The following IRAK2 variants were observed in gnomAD, a reference collection of about 807,000 sequenced individuals.
IRAK2 encodes the protein interleukin-1 receptor-associated kinase-like 2.
IRAK2 carries 57 observed loss-of-function variants against 72.0 expected under a neutral mutation model. The observed-to-expected ratio is 0.79, with a 90% confidence interval of 0.64 to 0.99. The LOEUF (loss-of-function observed/expected upper bound fraction) is 0.99, where lower values mean the gene tolerates loss of function less well. IRAK2 is among the 50% of genes least tolerant of loss of function. The pLI is 0.00. For missense variants in IRAK2, 790 were observed against 794.4 expected (o/e 0.99, Z 0.07); for synonymous variants, 293 against 312.7 (o/e 0.94, Z 0.67).
intron 6 of IRAK2, among the ~76,000 whole-genome samples, 173 bp from the exon 7 acceptor site, chr3:10,216,761 G>T (rs1697610654): frequency 6.6e-6 from 1 of 152,168 alleles, no homozygotes; most frequent in African/African-American, 2.4e-5. Context: ...GTTGAAGGCA[G>T]ACAGTTTTCA....
At chr3:10,167,418 C>CT (rs1168538999) in intron 1 of IRAK2, among the ~76,000 whole-genome samples, 2,758 of 144,104 alleles carry the variant, frequency 0.019, 48 homozygotes, top group African/African-American at 0.051. Context: ...TACTTAGTTT[C>CT]TTTTTTTTTT....
intron 2 of IRAK2, among the ~76,000 whole-genome samples, chr3:10,193,462 A>G (rs1697207567): frequency 6.6e-6 from 1 of 151,736 alleles, no homozygotes; most frequent in Non-Finnish European, 1.5e-5. Flanking sequence ...AAAAACAAAA[A>G]CAAAAACAAA....
chr3:10,236,451 A>G (rs1273843762), intron 11 of IRAK2, among the ~76,000 whole-genome samples: 1 of 150,356 alleles, frequency 6.7e-6, no homozygotes, highest in East Asian at 2.0e-4. Context: ...AGGTTCAAGC[A>G]ATTCTCCTGC....
At chr3:10,192,739 C>T (rs142679970) in intron 2 of IRAK2, among the ~76,000 whole-genome samples, 1 of 152,172 alleles carries the variant, frequency 6.6e-6, no homozygotes, top group Non-Finnish European at 1.5e-5. Flanking sequence ...GCCAATATGG[C>T]AAAACCCCGT....
chr3:10,237,315 C>G (rs528102036), intron 11 of IRAK2, among the ~76,000 whole-genome samples: 2 of 152,194 alleles, frequency 1.3e-5, no homozygotes, highest in African/African-American at 4.8e-5. Context: ...AGGAGATGGC[C>G]TTAGCTCTTA....
At chr3:10,207,011 G>A (rs1355626393) in intron 3 of IRAK2, among the ~76,000 whole-genome samples, 1 of 152,022 alleles carries the variant, frequency 6.6e-6, no homozygotes, top group Non-Finnish European at 1.5e-5. Context: ...TCGCCATCAT[G>A]CCAGGCTAAT....
Position 10,234,615 on chromosome 3 carries a change from G to T in IRAK2, c.1429G>T (p.Ala477Ser). 1 of 1,612,992 alleles carries T rather than the reference G, an allele frequency of 6.2e-7. No homozygotes were observed. The highest frequency in any genetic ancestry group is 1.7e-5 in the Admixed American group (1 of 60,024). Residue 477 changes from alanine (A) to serine (S), a missense_variant, in exon 11 of 13, where the codon GCT (alanine) becomes TCT (serine). Physicochemically the swap from Ala to Ser is moderately conservative, Grantham distance 99 (BLOSUM62 1). Transcript: ENST00000256458. ...PEDCAEALAT[A>S]ACLCLRRRNT... ...GGACTGCGCCGAGGCCCTGGCCACG[G>T]CTGCCTGCCTGTGCCTGCGGAGGCG...
chr3:10,220,299 T>C (rs779910), intron 8 of IRAK2, among the ~76,000 whole-genome samples: 57,293 of 152,076 alleles, frequency 0.38, 11,536 homozygotes, highest in Non-Finnish European at 0.45. Flanking sequence ...GAGGTCCCCA[T>C]CTGGAGACGG....
intron 2 of IRAK2, among the ~76,000 whole-genome samples, chr3:10,183,016 C>T (rs1169668): frequency 0.33 from 50,583 of 152,006 alleles, 9,099 homozygotes; most frequent in Non-Finnish European, 0.39. Context: ...AAGTGATCTG[C>T]CCACCTCGGC....
At chr3:10,208,277 G>T (rs1267768508) in intron 3 of IRAK2, among the ~76,000 whole-genome samples, 7 of 152,038 alleles carry the variant, frequency 4.6e-5, no homozygotes, top group Admixed American at 3.3e-4. Flanking sequence ...TTCCTGATTG[G>T]CATGAGGATT....
At chr3:10,206,954 A>G (rs145966525) in intron 3 of IRAK2, among the ~76,000 whole-genome samples, 2 of 151,368 alleles carry the variant, frequency 1.3e-5, no homozygotes, top group East Asian at 3.9e-4. Context: ...CCCTGGTTCA[A>G]GCAATTCTCC....
chr3:10,214,295 G>A (rs565549225), intron 6 of IRAK2, among the ~76,000 whole-genome samples: 87 of 151,446 alleles, frequency 5.7e-4, no homozygotes, highest in African/African-American at 1.9e-3. Context: ...TGGAATGATT[G>A]TAGATCACTG....
rs756460717 is a variant in IRAK2 at position 10,213,291 on chromosome 3, C to G, written c.613C>G (p.Gln205Glu). 1 of 1,614,112 alleles carries G rather than the reference C, an allele frequency of 6.2e-7. No individual in the cohort carries two copies. Among genetic ancestry groups the G allele is most frequent in the Non-Finnish European group, 8.5e-7 (1 of 1,180,030 alleles). The change falls in exon 5 of 13, where the codon CAG becomes GAG. Residue 205 changes from glutamine to glutamate, a missense_variant. Physicochemically the swap from Gln to Glu is conservative, Grantham distance 29. Transcript: ENST00000256458. ...TTTCTGGAGTGAGGCAGACGTGGTC[C>G]AGGCAACCGATGACTTCAATCAAAA... ...SLFWSEADVV[Q>E]ATDDFNQNRK...
At chr3:10,175,890 C>CAAAAAAAA (rs59718922) in intron 1 of IRAK2, among the ~76,000 whole-genome samples, 8 of 53,690 alleles carry the variant, frequency 1.5e-4, no homozygotes, top group Non-Finnish European at 2.1e-4. Flanking sequence ...GACTCCGTCT[C>CAAAAAAAA]AAAAAAAAAA....
chr3:10,169,459 CCA>C lies in IRAK2; in HGVS notation c.94+4412_94+4413del, dbSNP rs138922268. On this transcript the variant is annotated intron_variant, in intron 1 of 12. Coordinates refer to ENST00000256458, the MANE Select transcript of IRAK2 (RefSeq NM_001570.4). ...CCTACCCCGGGAATGCGTTCCTTCC[CCA>C]GGGTTATCAATTATTAATATTCCTT... Among the ~76,000 whole-genome samples the C allele has an allele frequency of 5.7e-3, 865 of 152,238 alleles. 15 individuals carry two copies. Among genetic ancestry groups the C allele is most frequent in the African/African-American group, 0.02 (829 of 41,538 alleles).
At position 10,183,943 on chromosome 3, in the gene IRAK2, C is replaced by T. The variant is rs535822400; in HGVS notation, c.277+5923C>T. ...CAGTGGCTGAGAAAAGACAGGCGTT[C>T]GTTTCCCTCTCCTGTGACTGCCAGG... On this transcript the variant is annotated intron_variant, in intron 2 of 12. Transcript: ENST00000256458. Among the ~76,000 whole-genome samples the T allele has an allele frequency of 1.0e-3, 152 of 152,274 alleles. 1 individual carries two copies. Among genetic ancestry groups the T allele is most frequent in the Non-Finnish European group, 6.8e-4 (46 of 68,018 alleles).
At chr3:10,240,992 T>C (rs1171825795) in intron 12 of IRAK2, among the ~76,000 whole-genome samples, 1 of 151,882 alleles carries the variant, frequency 6.6e-6, no homozygotes, top group Non-Finnish European at 1.5e-5. Context: ...AAAGACAGGA[T>C]GTGAGCATTT....
At chr3:10,221,222 C>T (rs1459065087) in intron 8 of IRAK2, among the ~76,000 whole-genome samples, 4 of 140,810 alleles carry the variant, frequency 2.8e-5, no homozygotes, top group Non-Finnish European at 6.1e-5. Context: ...GAAACCTCGT[C>T]TCTACTAAAA....
chr3:10,181,861 C>T (rs562579151), intron 2 of IRAK2, among the ~76,000 whole-genome samples: 1 of 152,242 alleles, frequency 6.6e-6, no homozygotes, highest in South Asian at 2.1e-4. Context: ...TTCACTTTTC[C>T]TTTGAAAAAC....
Sources: allele counts gnomAD v4.1 joint callset (sites outside exome capture counted in the v4.1 genomes callset), GRCh38; gene constraint gnomAD v4.1.1; transcripts MANE v1.5; gene names NCBI Gene and HGNC (gene_info 2026-07-23, HGNC 2026-07-21).